MED13L: variants seen among roughly 807,000 people sequenced by gnomAD.
The protein encoded by MED13L is mediator of RNA polymerase II transcription subunit 13-like.
Under a neutral mutation model 220.9 loss-of-function variants are expected in MED13L, and 7 were observed. That is an observed-to-expected ratio of 0.03 (90% CI 0.02 to 0.06). The LOEUF is 0.06. Ranked by LOEUF, MED13L falls within the 10% of genes least tolerant of loss-of-function variation. The pLI, the probability that MED13L is intolerant of heterozygous loss-of-function variation, is 1.00. For synonymous variants in MED13L, 1,011 were observed against 1,015.2 expected (o/e 1.00, Z 0.08); for missense variants, 1,965 against 2,760.5 (o/e 0.71, Z 6.46).
chr12:116,277,098 C>T lies in MED13L; in HGVS notation c.34G>A (p.Ala12Thr). The change falls in exon 1 of 31, where the codon GCG becomes ACG. Residue 12 changes from alanine (A) to threonine (T), a missense_variant. Ala to Thr is a moderately conservative substitution (Grantham distance 58). This residue lies in a region of MED13L where 818 missense variants were observed against 1,041.2 expected (regional missense o/e 0.79). Transcript: ENST00000281928. ...TAAANWVANG[A>T]SLEDCHSNLF... ...TTGGAGTGACAATCCTCCAGGCTCG[C>T]CCCGTTCGCCACCCAGTTCGCTGCC... The T allele has an allele frequency of 1.3e-6, 2 of 1,591,780 alleles. No homozygotes were observed. Among genetic ancestry groups the T allele is most frequent in the Non-Finnish European group, 1.7e-6 (2 of 1,170,878 alleles).
At chr12:116,126,013 C>T (rs1875557586) in intron 2 of MED13L, among the ~76,000 whole-genome samples, 1 of 152,242 alleles carries the variant, frequency 6.6e-6, no homozygotes, top group South Asian at 2.1e-4. Context: ...AATGCAAAAA[C>T]AACCTATTGG....
chr12:116,240,971 G>A (rs185610103), intron 1 of MED13L, among the ~76,000 whole-genome samples: 2 of 152,172 alleles, frequency 1.3e-5, no homozygotes, highest in Admixed American at 6.5e-5. Context: ...AGTATTCTGT[G>A]CCTAAGAGCC....
intron 4 of MED13L, among the ~76,000 whole-genome samples, chr12:116,025,738 G>A (rs1273775956): frequency 6.6e-6 from 1 of 152,130 alleles, no homozygotes; most frequent in Non-Finnish European, 1.5e-5. Context: ...GAAGGGAAGA[G>A]ATGGAGGAGG....
At chr12:115,966,635 G>C (rs1040563892) in intron 28 of MED13L, among the ~76,000 whole-genome samples, 1 of 152,168 alleles carries the variant, frequency 6.6e-6, no homozygotes, top group Non-Finnish European at 1.5e-5. Context: ...GCACCAGCCT[G>C]ACCAGGACAA....
At chr12:116,152,622 A>G (rs937491653) in intron 2 of MED13L, among the ~76,000 whole-genome samples, 19 of 152,162 alleles carry the variant, frequency 1.2e-4, no homozygotes, top group East Asian at 7.7e-4. Context: ...CAAAAACCCA[A>G]TGGCGTGGGG....
chr12:116,062,226 C>T (rs1869556009), intron 4 of MED13L, among the ~76,000 whole-genome samples: 1 of 151,772 alleles, frequency 6.6e-6, no homozygotes, highest in Admixed American at 6.6e-5. Context: ...AATCTCAGCT[C>T]ACTGCAACCT....
At chr12:116,153,636 C>G (rs900138941) in intron 2 of MED13L, among the ~76,000 whole-genome samples, 1 of 152,162 alleles carries the variant, frequency 6.6e-6, no homozygotes, top group East Asian at 1.9e-4. Flanking sequence ...ATGGCAACTC[C>G]TCACAGGAAG....
At chr12:116,080,031 T>C (rs1187494178) in intron 4 of MED13L, among the ~76,000 whole-genome samples, 1 of 152,120 alleles carries the variant, frequency 6.6e-6, no homozygotes, top group African/African-American at 2.4e-5. Flanking sequence ...GTTTTTTTTT[T>C]TTTTTAGCTC....
In MED13L at chr12:115,960,278, G is replaced by A. The variant is rs751589746; in HGVS notation, c.*988C>T. ...TTGATCTAATGAGAGGAGAGACCTG[G>A]CTTCCAATAAGAATTCACTAGAAAA... On this transcript the variant is annotated 3_prime_UTR_variant, in exon 31 of 31. Transcript: ENST00000281928. 1 of 152,514 alleles carries A rather than the reference G, an allele frequency of 6.6e-6. No homozygotes were observed. Among genetic ancestry groups the A allele is most frequent in the Non-Finnish European group, 1.5e-5 (1 of 68,018 alleles). 9.4% of individuals were successfully genotyped at this position (152,514 alleles called of 1,614,324 possible). A position where few individuals can be genotyped will look rare whatever the true frequency, so the allele number is the denominator to read the frequency against.
At chr12:116,019,689 ATTATTT>A in intron 6 of MED13L, 83 bp downstream of exon 6, 1 of 1,448,014 alleles carries the variant, frequency 6.9e-7, no homozygotes, top group South Asian at 1.2e-5. Context: ...GGGTATGGAG[ATTATTT>A]CTGAAGAATC....
intron 2 of MED13L, among the ~76,000 whole-genome samples, chr12:116,113,767 A>C (rs1455441377): frequency 1.7e-5 from 1 of 60,000 alleles, no homozygotes. Flanking sequence ...AGGGAGGGGT[A>C]AGAGGGAGAG....
At position 115,991,989 on chromosome 12, in the gene MED13L, G is replaced by T; in HGVS notation, c.2997-32C>A. ...AAAGAGAAGGCACCAAGTGAGGAAG[G>T]GCAGCATGTCACAGATGCTGAACTA... On this transcript the variant is annotated intron_variant, in intron 16 of 30. Transcript: ENST00000281928. The surrounding 1 kb of genome is among the most constrained non-coding windows in gnomAD (Gnocchi z 7.7). 6.4e-7 allele frequency: 1 copy of T among 1,564,432 alleles called. No homozygotes were observed. Among genetic ancestry groups the T allele is most frequent in the South Asian group, 1.1e-5 (1 of 88,936 alleles).
chr12:116,170,608 GTTT>G (rs869277948), intron 2 of MED13L, among the ~76,000 whole-genome samples: 1 of 124,500 alleles, frequency 8.0e-6, no homozygotes, highest in Non-Finnish European at 1.7e-5. Flanking sequence ...TTTTTTTTTT[GTTT>G]TTTTTTTTTT....
At chr12:116,233,634 T>C (rs530341949) in intron 2 of MED13L, among the ~76,000 whole-genome samples, 2 of 152,214 alleles carry the variant, frequency 1.3e-5, no homozygotes, top group Non-Finnish European at 2.9e-5. Context: ...GTTACAATTA[T>C]AGATTAACTG....
At chr12:116,092,247 C>T (rs1471973662) in intron 4 of MED13L, among the ~76,000 whole-genome samples, 1 of 152,180 alleles carries the variant, frequency 6.6e-6, no homozygotes, top group African/African-American at 2.4e-5. Context: ...AAGAGGCTTG[C>T]TTTACCGTTC....
chr12:116,184,707 A>T lies in MED13L; in HGVS notation c.310+52761T>A, dbSNP rs561837834. 2.0e-5 allele frequency among the ~76,000 whole-genome samples: 3 copies of T among 152,334 alleles called. No individual in the cohort carries two copies. The East Asian group carries it at 5.8e-4, about 29-fold the overall frequency. On this transcript the variant is annotated intron_variant, in intron 2 of 30. Coordinates refer to ENST00000281928, the MANE Select transcript of MED13L (RefSeq NM_015335.5). ...TATTCACCCCACTAAAATAAATTTT[A>T]AAAAATCAATAAAAGCCATTATTTT...
chr12:116,136,233 T>G (rs1876540071), intron 2 of MED13L, among the ~76,000 whole-genome samples: 3 of 152,104 alleles, frequency 2.0e-5, no homozygotes, highest in Non-Finnish European at 2.9e-5. Flanking sequence ...TTGTGTCTCT[T>G]GATGTTTAAT....
At chr12:116,120,018 G>A (rs1874902825) in intron 2 of MED13L, among the ~76,000 whole-genome samples, 1 of 151,596 alleles carries the variant, frequency 6.6e-6, no homozygotes, top group Admixed American at 6.6e-5. Flanking sequence ...TCAAGGGGAA[G>A]CAATTTATTT....
chr12:115,999,374 GAGAA>G (rs1417141980), intron 14 of MED13L, among the ~76,000 whole-genome samples: 14 of 151,658 alleles, frequency 9.2e-5, no homozygotes, highest in Non-Finnish European at 1.5e-4. Context: ...CTCGGTGAAA[GAGAA>G]AGACTCTGTC....
Sources: gnomAD v4.1 joint callset for allele counts (sites outside exome capture counted in the v4.1 genomes callset) on GRCh38, gnomAD v4.1.1 for gene constraint, gnomAD v4.1.1 regional missense constraint, Gnocchi (gnomAD v3.1) non-coding constraint, MANE v1.5 for transcripts, NCBI Gene and HGNC (gene_info 2026-07-23, HGNC 2026-07-21) for gene names.